Variants in PSME4 observed in about 807,000 individuals in gnomAD.
PSME4 encodes the protein proteasome activator complex subunit 4.
In PSME4, 89 loss-of-function variants were observed where a neutral mutation model predicts 253.9. The observed-to-expected ratio is 0.35, with a 90% CI of 0.30 to 0.42. PSME4 has a LOEUF of 0.42. PSME4 is among the 10% of genes least tolerant of loss of function. The pLI is 1.00. For synonymous variants in PSME4, 851 were observed against 759.2 expected (o/e 1.12, Z -1.99); for missense variants, 2,014 against 2,195.2 (o/e 0.92, Z 1.65).
chr2:53,876,866 C>T (rs974674675), intron 41 of PSME4, among the ~76,000 whole-genome samples: 2 of 151,284 alleles, frequency 1.3e-5, no homozygotes, highest in Non-Finnish European at 2.9e-5. Context: ...CACAGGCACG[C>T]ACCACCGTGT....
chr2:53,878,158 A>G (rs1679220945), intron 41 of PSME4, among the ~76,000 whole-genome samples: 2 of 152,222 alleles, frequency 1.3e-5, no homozygotes, highest in African/African-American at 4.8e-5. Flanking sequence ...TAAATTGTGA[A>G]GATTTCATGG....
intron 41 of PSME4, among the ~76,000 whole-genome samples, chr2:53,876,915 A>G (rs1403689007): frequency 1.3e-5 from 2 of 151,278 alleles, no homozygotes; most frequent in South Asian, 2.1e-4. Context: ...TAGAGACAGA[A>G]TCTCACTGTG....
Position 53,906,675 on chromosome 2 carries a change from C to G in PSME4, c.2866G>C (p.Glu956Gln). The change falls in exon 26 of 47, where the codon GAG becomes CAG. Residue 956 changes from glutamate (E) to glutamine (Q), a missense_variant. By Grantham distance (29) the Glu-to-Gln change is conservative (BLOSUM62 2). This residue lies in a region of PSME4 where 989 missense variants were observed against 1,021.1 expected (regional missense o/e 0.97). Transcript: ENST00000404125. ...TGTATCTTTTTGTATTCACAACCCT[C>G]AACAGTTAGTGTCCGTAGCTAAGAA... Reference protein sequence around the residue: ...LQHELRTLTVEGCEYKKIHQD... With the variant: ...LQHELRTLTVQGCEYKKIHQD... The G allele has an allele frequency of 6.2e-7, 1 of 1,601,336 alleles. No homozygotes were observed. The highest frequency in any genetic ancestry group is 8.5e-7 in the Non-Finnish European group (1 of 1,175,554).
chr2:53,960,833 C>T (rs749427417), intron 1 of PSME4, among the ~76,000 whole-genome samples: 6 of 152,152 alleles, frequency 3.9e-5, no homozygotes, highest in Non-Finnish European at 5.9e-5. Context: ...ACTGGCCAGG[C>T]GCGGTGGCTC....
At chr2:53,895,120 T>C in intron 33 of PSME4, 44 bp from the exon 34 acceptor site, 1 of 1,520,980 alleles carries the variant, frequency 6.6e-7, no homozygotes. Context: ...TAGAAAAAAA[T>C]ATTAGAGCTT....
chr2:53,926,545 T>C (rs805346), intron 12 of PSME4, among the ~76,000 whole-genome samples: 1 of 151,384 alleles, frequency 6.6e-6, no homozygotes, highest in Non-Finnish European at 1.5e-5. Context: ...GCCAGGCATG[T>C]TGGCACACGC....
intron 29 of PSME4, 62 bp downstream of exon 29, chr2:53,899,819 A>T: frequency 6.3e-7 from 1 of 1,578,898 alleles, no homozygotes; most frequent in Non-Finnish European, 8.6e-7. Context: ...CTCTGTCTCA[A>T]AAAAAAGCCA....
chr2:53,887,730 C>A (rs1679706297), intron 39 of PSME4, 128 bp downstream of exon 39: 19 of 1,218,970 alleles, frequency 1.6e-5, no homozygotes, highest in Non-Finnish European at 2.0e-5. Context: ...GACACAATAG[C>A]AAACAATTTG....
At chr2:53,956,191 C>T (rs1670228353) in intron 1 of PSME4, among the ~76,000 whole-genome samples, 1 of 152,090 alleles carries the variant, frequency 6.6e-6, no homozygotes, top group Non-Finnish European at 1.5e-5. Flanking sequence ...AACTGAGAAA[C>T]TTTTTTGTGT....
chr2:53,918,565 T>G (rs914741110), intron 20 of PSME4, among the ~76,000 whole-genome samples: 1 of 152,092 alleles, frequency 6.6e-6, no homozygotes, highest in African/African-American at 2.4e-5. Flanking sequence ...GATCTCAAAC[T>G]CCTGCACTCA....
intron 3 of PSME4, among the ~76,000 whole-genome samples, chr2:53,946,988 C>G (rs759647175): frequency 3.3e-5 from 5 of 152,150 alleles, no homozygotes; most frequent in African/African-American, 4.8e-5. Flanking sequence ...TAAAAGCATA[C>G]TTGCACAATG....
At chr2:53,944,561 T>A (rs1212357919) in intron 3 of PSME4, among the ~76,000 whole-genome samples, 2 of 152,230 alleles carry the variant, frequency 1.3e-5, no homozygotes, top group Non-Finnish European at 1.5e-5. Flanking sequence ...AATATCATAT[T>A]AATAATCGTG....
chr2:53,866,603 A>C (rs1207674637), intron 45 of PSME4, 144 bp downstream of exon 45: 6 of 872,916 alleles, frequency 6.9e-6, no homozygotes, highest in Middle Eastern at 3.6e-4. Context: ...ATTTTTTAAT[A>C]ATTACTGGTG....
chr2:53,916,071 A>T (rs1375751904), intron 20 of PSME4, among the ~76,000 whole-genome samples: 1 of 151,882 alleles, frequency 6.6e-6, no homozygotes, highest in South Asian at 2.1e-4. Flanking sequence ...GCAAAACTCC[A>T]CCTCAAAAAA....
intron 34 of PSME4, among the ~76,000 whole-genome samples, chr2:53,894,429 G>A (rs1370194953): frequency 6.6e-6 from 1 of 151,272 alleles, no homozygotes; most frequent in African/African-American, 2.5e-5. Context: ...GCACCACTAC[G>A]CCCAGCTGAT....
At chr2:53,941,435 TA>T (rs956777146) in intron 3 of PSME4, among the ~76,000 whole-genome samples, 8 of 149,192 alleles carry the variant, frequency 5.4e-5, no homozygotes, top group African/African-American at 9.8e-5. Context: ...GTTTGCCCAT[TA>T]AAAAAAAACA....
At chr2:53,876,294 AT>A (rs980504901) in intron 41 of PSME4, among the ~76,000 whole-genome samples, 3 of 151,412 alleles carry the variant, frequency 2.0e-5, no homozygotes, top group Non-Finnish European at 2.9e-5. Context: ...CTTGCTCTGT[AT>A]TTTTTTTCCT....
intron 1 of PSME4, among the ~76,000 whole-genome samples, chr2:53,968,274 C>T (rs75358942): frequency 1.1e-5 from 1 of 95,216 alleles, no homozygotes; most frequent in Admixed American, 1.1e-4. Flanking sequence ...GACTCCACCT[C>T]AAAAAAAAAA....
chr2:53,880,589 A>C (rs1458966532), intron 41 of PSME4, among the ~76,000 whole-genome samples: 1 of 152,230 alleles, frequency 6.6e-6, no homozygotes, highest in Non-Finnish European at 1.5e-5. Context: ...TAGTCATAAA[A>C]AGAGGCAATT....
Sources: allele counts gnomAD v4.1 joint callset (sites outside exome capture counted in the v4.1 genomes callset), GRCh38; gene constraint gnomAD v4.1.1; regional missense constraint gnomAD v4.1.1; transcripts MANE v1.5; gene names NCBI Gene and HGNC (gene_info 2026-07-23, HGNC 2026-07-21).